The following ONECUT2 variants were observed in gnomAD, a reference collection of about 807,000 sequenced individuals.
ONECUT2 encodes the protein one cut homeobox 2, also known as one cut domain family member 2.
ONECUT2 carries 10 observed loss-of-function variants against 27.9 expected under a neutral mutation model. The ratio of observed to expected loss-of-function variants is 0.36; its 90% CI spans 0.22 to 0.61. The LOEUF is 0.61. Ranked by LOEUF, ONECUT2 falls within the 20% of genes least tolerant of loss-of-function variation. The pLI, the probability that ONECUT2 is intolerant of heterozygous loss-of-function variation, is 0.73. For missense variants in ONECUT2, 686 were observed against 721.0 expected, an observed-to-expected ratio of 0.95 and a Z score of 0.56; for synonymous variants, 334 against 315.1, an observed-to-expected ratio of 1.06 and a Z score of -0.64.
intron 1 of ONECUT2, among the ~76,000 whole-genome samples, chr18:57,468,762 T>C (rs1311500144): frequency 6.6e-6 from 1 of 152,228 alleles, no homozygotes; most frequent in African/African-American, 2.4e-5. Context: ...ATTGCTGAGA[T>C]TTACCAGCAT....
chr18:57,462,473 C>T (rs1256224601), intron 1 of ONECUT2, among the ~76,000 whole-genome samples: 2 of 152,136 alleles, frequency 1.3e-5, no homozygotes, highest in Non-Finnish European at 2.9e-5. Context: ...GCAGCTTTCA[C>T]CTCCTGGGCT....
chr18:57,438,827 A>C (rs2050158527), intron 1 of ONECUT2, among the ~76,000 whole-genome samples: 1 of 137,264 alleles, frequency 7.3e-6, no homozygotes. Flanking sequence ...GGGCAAGATA[A>C]AGCAGCCAGT....
chr18:57,450,383 A>G (rs2050223574), intron 1 of ONECUT2, among the ~76,000 whole-genome samples: 1 of 152,182 alleles, frequency 6.6e-6, no homozygotes, highest in African/African-American at 2.4e-5. Flanking sequence ...CATGCTGGCC[A>G]GGCTGGTCTC....
At chr18:57,456,545 A>G (rs2050260526) in intron 1 of ONECUT2, among the ~76,000 whole-genome samples, 1 of 152,222 alleles carries the variant, frequency 6.6e-6, no homozygotes, top group Non-Finnish European at 1.5e-5. Context: ...GAATAGTCAA[A>G]CTCATAGAAA....
rs2050449984 is a variant in ONECUT2, at chr18:57,488,697, A to G, written c.*11974A>G. ...GGGTTTTTACTCAGTGCTTTGTGCC[A>G]ATGGATGTCCTTTTCCTTGGAGACA... On this transcript the variant is annotated 3_prime_UTR_variant, in exon 2 of 2. Transcript: ENST00000491143. The G allele has an allele frequency of 1.3e-5, 2 of 152,762 alleles. No individual in the cohort carries two copies. Among genetic ancestry groups the G allele is most frequent in the Non-Finnish European group, 2.9e-5 (2 of 68,034 alleles). The allele number at this position is 152,762 out of a possible 1,614,324, so 9.5% of individuals were successfully genotyped here. A position where few individuals can be genotyped will look rare whatever the true frequency, so the allele number is the denominator to read the frequency against.
At chr18:57,444,483 C>T in intron 1 of ONECUT2, 1 of 455,094 alleles carries the variant, frequency 2.2e-6, no homozygotes, top group Non-Finnish European at 4.4e-6. Flanking sequence ...CAGCTTGCTT[C>T]CCACTCCACC....
intron 1 of ONECUT2, among the ~76,000 whole-genome samples, chr18:57,453,354 C>T (rs1011921002): frequency 2.0e-5 from 3 of 152,180 alleles, no homozygotes; most frequent in Non-Finnish European, 2.9e-5. Flanking sequence ...ACATTTTAAG[C>T]CTTTGGAAGC....
intron 1 of ONECUT2, among the ~76,000 whole-genome samples, chr18:57,439,784 G>C (rs2050164160): frequency 6.6e-6 from 1 of 152,102 alleles, no homozygotes; most frequent in Non-Finnish European, 1.5e-5. Flanking sequence ...GGAAGACACC[G>C]TCCCTGCCCC....
At chr18:57,465,973 C>T (rs563482402) in intron 1 of ONECUT2, among the ~76,000 whole-genome samples, 11 of 152,310 alleles carry the variant, frequency 7.2e-5, no homozygotes, top group East Asian at 1.9e-4. Flanking sequence ...CGACAACCCC[C>T]GGTATACTGC....
intron 1 of ONECUT2, among the ~76,000 whole-genome samples, chr18:57,473,114 T>G (rs1179044235): frequency 6.6e-6 from 1 of 152,170 alleles, no homozygotes; most frequent in Non-Finnish European, 1.5e-5. Context: ...GAAGCACAGA[T>G]TCCAGAACCT....
chr18:57,463,726 C>A (rs893558640), intron 1 of ONECUT2, among the ~76,000 whole-genome samples: 15 of 151,940 alleles, frequency 9.9e-5, no homozygotes, highest in Admixed American at 2.0e-4. Context: ...TGTTTTGATC[C>A]TATTGTAAAT....
At chr18:57,445,271 AAG>A (rs1210396651) in intron 1 of ONECUT2, among the ~76,000 whole-genome samples, 2 of 152,206 alleles carry the variant, frequency 1.3e-5, no homozygotes, top group Non-Finnish European at 2.9e-5. Context: ...GTCACTTGAA[AAG>A]AGAGAGGATT....
At chr18:57,460,485 A>G (rs549380828) in intron 1 of ONECUT2, among the ~76,000 whole-genome samples, 3 of 152,078 alleles carry the variant, frequency 2.0e-5, no homozygotes, top group Non-Finnish European at 4.4e-5. Flanking sequence ...TCAACGTCAT[A>G]CTATTTAAAT....
At chr18:57,444,713 A>G (rs773483055) in intron 1 of ONECUT2, among the ~76,000 whole-genome samples, 1 of 152,258 alleles carries the variant, frequency 6.6e-6, no homozygotes, top group Admixed American at 6.5e-5. Context: ...GAAACCTTTC[A>G]TATTGATCCT....
intron 1 of ONECUT2, among the ~76,000 whole-genome samples, chr18:57,451,593 G>C (rs943161775): frequency 6.6e-6 from 1 of 152,146 alleles, no homozygotes; most frequent in Non-Finnish European, 1.5e-5. Flanking sequence ...AGTCCATATC[G>C]CTAGCCCCAC....
rs3745074 is a variant in ONECUT2, at chr18:57,476,534, C to T, written c.1326C>T (p.Phe442=). The change falls in exon 2 of 2, where the codon TTC becomes TTT. Residue 442 remains phenylalanine (F), a synonymous_variant. Transcript: ENST00000491143. ...VFTDLQRRTL[F]AIFKENKRPS... is the part of the protein sequence containing the mutation. ...CTGACCTCCAACGCCGAACACTCTT[C>T]GCCATCTTCAAGGAGAACAAACGCC... 411,459 of 1,613,928 alleles carry T rather than the reference C, an allele frequency of 0.25. 58,506 individuals are homozygous for T. Among genetic ancestry groups the T allele is most frequent in the African/African-American group, 0.48 (36,163 of 74,950 alleles).
Position 57,482,825 on chromosome 18 carries a change from T to A in ONECUT2, c.*6102T>A, listed in dbSNP as rs1229174132. ...TCCGTTACAACAAATAAATTTTAAA[T>A]CATCGTTTAACATGTATGTGGTACT... On this transcript the variant is annotated 3_prime_UTR_variant, in exon 2 of 2. Transcript: ENST00000491143. The A allele has an allele frequency of 6.6e-6, 1 of 152,324 alleles. No individual in the cohort carries two copies. The highest frequency in any genetic ancestry group is 1.5e-5 in the Non-Finnish European group (1 of 68,048). The allele number at this position is 152,324 out of a possible 1,614,324, so 9.4% of individuals were successfully genotyped here.
At chr18:57,438,044 G>A (rs1046749155) in intron 1 of ONECUT2, among the ~76,000 whole-genome samples, 1 of 152,230 alleles carries the variant, frequency 6.6e-6, no homozygotes, top group Admixed American at 6.5e-5. Context: ...AAGCTGCGAG[G>A]TACAGCCCTC....
In ONECUT2 at chr18:57,436,161, A is replaced by C; in HGVS notation, c.445A>C (p.Thr149Pro). 2 of 1,605,708 alleles carry C rather than the reference A, an allele frequency of 1.2e-6. No individual in the cohort carries two copies. Among genetic ancestry groups the C allele is most frequent in the African/African-American group, 2.7e-5 (2 of 74,928 alleles). The change falls in exon 1 of 2, where the codon ACC becomes CCC. Residue 149 changes from threonine (T) to proline (P), a missense_variant. By Grantham distance (38) the Thr-to-Pro change is conservative. Transcript: ENST00000491143. This position sits in a 1 kb window ranked among gnomAD's most constrained non-coding sequence, Gnocchi z 5.9. Reference sequence around the variant, plus strand: ...TGGCATGGGCATGAGCAACACCTACACCACGCTGACACCGCTCCAGCCGCT... The same window carrying C: ...TGGCATGGGCATGAGCAACACCTACCCCACGCTGACACCGCTCCAGCCGCT... Reference protein sequence around the residue: ...PPGMGMSNTYTTLTPLQPLPP... With the variant: ...PPGMGMSNTYPTLTPLQPLPP...
Sources: gnomAD v4.1 joint callset for allele counts (sites outside exome capture counted in the v4.1 genomes callset) on GRCh38, gnomAD v4.1.1 for gene constraint, Gnocchi (gnomAD v3.1) non-coding constraint, MANE v1.5 for transcripts, NCBI Gene and HGNC (gene_info 2026-07-23, HGNC 2026-07-21) for gene names.